Variants in ACRV1 observed in about 807,000 individuals in gnomAD.
ACRV1 encodes acrosomal vesicle protein 1, also known as acrosomal protein SP-10.
A neutral mutation model predicts 29.2 loss-of-function variants in ACRV1; 17 were observed. The observed-to-expected ratio is 0.58, with a 90% CI of 0.40 to 0.87. ACRV1 has a LOEUF of 0.87. Ranked by LOEUF, ACRV1 falls within the 40% of genes least tolerant of loss-of-function variation. The pLI, the probability that ACRV1 is intolerant of heterozygous loss-of-function variation, is 0.00. For missense variants in ACRV1, 294 were observed against 316.0 expected, an observed-to-expected ratio of 0.93 and a Z score of 0.53; for synonymous variants, 98 against 111.6, an observed-to-expected ratio of 0.88 and a Z score of 0.77.
At chr11:125,675,532 T>C (rs1942461682) in intron 3 of ACRV1, among the ~76,000 whole-genome samples, 1 of 152,122 alleles carries the variant, frequency 6.6e-6, no homozygotes, top group African/African-American at 2.4e-5. Context: ...AGTCAGGCAG[T>C]GTGGTTCCTG....
chr11:125,677,820 G>T lies in ACRV1; in HGVS notation c.530C>A (p.Ala177Glu). 1 of 1,614,104 alleles carries T rather than the reference G, an allele frequency of 6.2e-7. No homozygotes were observed. Among genetic ancestry groups the T allele is most frequent in the South Asian group, 1.1e-5 (1 of 91,078 alleles). The part of the protein sequence containing the change: ...EHASGEQASG[A>E]PISSTSTGTI... ...ACCTGTAGATGTGCTTGAAATTGGT[G>T]CACCTGAAGCCTGTTCCCCTGAAGC... Residue 177 changes from alanine to glutamate, a missense_variant, in exon 2 of 4, where the codon GCA (alanine) becomes GAA (glutamate). Physicochemically the swap from Ala to Glu is moderately radical, Grantham distance 107. Coordinates refer to ENST00000533904, the MANE Select transcript of ACRV1 (RefSeq NM_001612.6).
intron 3 of ACRV1, 68 bp downstream of exon 3, chr11:125,676,291 A>C: frequency 1.9e-6 from 3 of 1,580,222 alleles, no homozygotes; most frequent in South Asian, 1.1e-5. Context: ...TGTCATTCCA[A>C]CTGCCCCCTA....
Position 125,677,944 on chromosome 11 carries a change from C to T in ACRV1, c.406G>A (p.Gly136Ser). The change falls in exon 2 of 4, where the codon GGT becomes AGT. Residue 136 changes from glycine to serine, a missense_variant. Gly to Ser is a moderately conservative substitution (Grantham distance 56). Coordinates refer to ENST00000533904, the MANE Select transcript of ACRV1 (RefSeq NM_001612.6). ...GGCTGTTCATCTGAAGGCTGTTCAC[C>T]TGACTCAAGCTCACTCAAAGGCTGT... ...GEQPLSELES[G>S]EQPSDEQPSG... 4 of 1,612,486 alleles carry T rather than the reference C, an allele frequency of 2.5e-6. No individual in the cohort carries two copies. Among genetic ancestry groups the T allele is most frequent in the Non-Finnish European group, 3.4e-6 (4 of 1,178,748 alleles).
At chr11:125,676,025 A>C (rs1942488767) in intron 3 of ACRV1, 1 of 204,300 alleles carries the variant, frequency 4.9e-6, no homozygotes. Context: ...CTCCTGCCTC[A>C]GCCTTCCAAG....
Position 125,672,567 on chromosome 11 carries a change from G to C in ACRV1, c.*26C>G, listed in dbSNP as rs1565392405. 6.2e-7 allele frequency: 1 copy of C among 1,612,212 alleles called. No homozygotes were observed. Among genetic ancestry groups the C allele is most frequent in the East Asian group, 2.2e-5 (1 of 44,860 alleles). On this transcript the variant is annotated 3_prime_UTR_variant, in exon 4 of 4. Coordinates refer to ENST00000533904, the MANE Select transcript of ACRV1 (RefSeq NM_001612.6). Reference sequence around the variant, plus strand: ...GTGATGGAGGCTTTTTACTGCCTGAGTCAAAACAAGCAAGGGCCCAGGCTT... The same window carrying C: ...GTGATGGAGGCTTTTTACTGCCTGACTCAAAACAAGCAAGGGCCCAGGCTT...
At position 125,678,077 on chromosome 11, in the gene ACRV1, A is replaced by C; in HGVS notation, c.273T>G (p.Ser91Arg). The C allele has an allele frequency of 6.2e-7, 1 of 1,614,074 alleles. No individual in the cohort carries two copies. Among genetic ancestry groups the C allele is most frequent in the Non-Finnish European group, 8.5e-7 (1 of 1,180,018 alleles). ...CAGCGGGCTCACCTGAAGCATGCTC[A>C]CTCTCAGCATGTTCTCCAGAAGTGT... ...AEHTSGEHAE[S>R]EHASGEPAAT... Residue 91 changes from serine (S) to arginine (R), a missense_variant, in exon 2 of 4, where the codon AGT becomes AGG. Coordinates refer to ENST00000533904, the MANE Select transcript of ACRV1 (RefSeq NM_001612.6).
chr11:125,676,331 G>C (rs1257449372), intron 3 of ACRV1, 28 bp downstream of exon 3: 1 of 1,613,252 alleles, frequency 6.2e-7, no homozygotes. Flanking sequence ...TTCTCAGGCA[G>C]AAATTGCCTC....
chr11:125,678,858 G>A (rs1003677100), intron 1 of ACRV1, among the ~76,000 whole-genome samples: 4 of 151,076 alleles, frequency 2.6e-5, no homozygotes, highest in Admixed American at 6.6e-5. Context: ...GGATTAAGCC[G>A]CCTGTATTTG....
In ACRV1 at chr11:125,678,060, T is replaced by C; in HGVS notation, c.290A>G (p.Glu97Gly). The C allele has an allele frequency of 6.2e-7, 1 of 1,614,204 alleles. No individual in the cohort carries two copies. The change falls in exon 2 of 4, where the codon GAG becomes GGG. Residue 97 changes from glutamate (E) to glycine (G), a missense_variant. Transcript: ENST00000533904. ...TTCAGCATGTTCAGTCGCAGCGGGC[T>C]CACCTGAAGCATGCTCACTCTCAGC... The part of the protein sequence containing the change: ...EHAESEHASG[E>G]PAATEHAEGE...
intron 3 of ACRV1, among the ~76,000 whole-genome samples, chr11:125,674,633 C>T (rs992936235): frequency 6.6e-5 from 10 of 152,202 alleles, no homozygotes; most frequent in Admixed American, 5.2e-4. Flanking sequence ...CTTGTGTCCA[C>T]TGTAACTTGC....
intron 3 of ACRV1, among the ~76,000 whole-genome samples, 156 bp from the exon 4 acceptor site, chr11:125,672,873 G>GC (rs1468877770): frequency 2.0e-5 from 3 of 152,010 alleles, no homozygotes; most frequent in African/African-American, 4.8e-5. Context: ...CTGGGAACTT[G>GC]CCCCCCATCA....
chr11:125,674,929 G>C (rs1001861672), intron 3 of ACRV1, among the ~76,000 whole-genome samples: 1 of 152,082 alleles, frequency 6.6e-6, no homozygotes, highest in African/African-American at 2.4e-5. Flanking sequence ...AAAACTCTTT[G>C]CTCTTTTTCC....
At chr11:125,673,303 C>G (rs181165805) in intron 3 of ACRV1, among the ~76,000 whole-genome samples, 18 of 151,704 alleles carry the variant, frequency 1.2e-4, no homozygotes, top group African/African-American at 4.4e-4. Context: ...CTCCCAGGTT[C>G]AAGCGATTGT....
intron 2 of ACRV1, among the ~76,000 whole-genome samples, chr11:125,676,954 T>C (rs570547242): frequency 2.4e-4 from 37 of 152,202 alleles, no homozygotes; most frequent in Non-Finnish European, 4.1e-4. Flanking sequence ...CATTTTCAAA[T>C]TGACCTTATT....
intron 2 of ACRV1, 92 bp from the exon 3 acceptor site, chr11:125,676,570 G>T: frequency 6.9e-7 from 1 of 1,459,362 alleles, no homozygotes; most frequent in Non-Finnish European, 9.5e-7. Flanking sequence ...GCAATAGGTA[G>T]CATGGATACT....
rs1440109173 is a variant in ACRV1 at position 125,677,935 on chromosome 11, G to C, written c.415C>G (p.Pro139Ala). ...TCACCTGAAGGCTGTTCATCTGAAG[G>C]CTGTTCACCTGACTCAAGCTCACTC... ...PLSELESGEQ[P>A]SDEQPSGEHG... Residue 139 changes from proline to alanine, a missense_variant, in exon 2 of 4, where the codon CCT becomes GCT. Transcript: ENST00000533904. 6.2e-7 allele frequency: 1 copy of C among 1,614,050 alleles called. No individual in the cohort carries two copies. Among genetic ancestry groups the C allele is most frequent in the African/African-American group, 1.3e-5 (1 of 74,998 alleles).
intron 1 of ACRV1, among the ~76,000 whole-genome samples, chr11:125,680,512 C>G (rs1942746524): frequency 6.6e-6 from 1 of 152,100 alleles, no homozygotes; most frequent in South Asian, 2.1e-4. Flanking sequence ...AAGTAGAAAC[C>G]AGACTGTGCC....
chr11:125,678,408 C>A, intron 1 of ACRV1, 111 bp from the exon 2 acceptor site: 1 of 1,323,866 alleles, frequency 7.6e-7, no homozygotes, highest in Non-Finnish European at 1.0e-6. Flanking sequence ...TTCCTATGGG[C>A]CTAGATTGGG....
rs1555078666 is a variant in ACRV1 at position 125,678,978 on chromosome 11, T to TATATATATATATATATATATATA, written c.53-682_53-681insTATATATATATATATATATATAT. ...GTAAAAAAAAAAAAGTCTAGGCATA[T>TATATATATATATATATATATATA]TATATATATATATATATATAGACAC... On this transcript the variant is annotated intron_variant, in intron 1 of 3. Transcript: ENST00000533904. 2.7e-3 allele frequency among the ~76,000 whole-genome samples: 243 copies of TATATATATATATATATATATATA among 88,404 alleles called. 4 individuals are homozygous for TATATATATATATATATATATATA. Among genetic ancestry groups the TATATATATATATATATATATATA allele is most frequent in the Middle Eastern group, 0.012 (2 of 162 alleles). 58.0% of individuals were successfully genotyped at this position (88,404 alleles called of 152,430 possible). A position where few individuals can be genotyped will look rare whatever the true frequency, so the allele number is the denominator to read the frequency against.
Sources: allele counts gnomAD v4.1 joint callset (sites outside exome capture counted in the v4.1 genomes callset), GRCh38; gene constraint gnomAD v4.1.1; transcripts MANE v1.5; gene names NCBI Gene and HGNC (gene_info 2026-07-23, HGNC 2026-07-21).